The following SH3TC1 variants were observed in gnomAD, a reference collection of about 807,000 sequenced individuals.
SH3TC1 encodes the protein SH3 domain and tetratricopeptide repeats 1.
SH3TC1 carries 135 observed loss-of-function variants against 117.3 expected under a neutral mutation model. That is an observed-to-expected ratio of 1.15 (90% CI 1.00 to 1.33). The LOEUF (loss-of-function observed/expected upper bound fraction) is 1.33, where lower values mean the gene tolerates loss of function less well. SH3TC1 is among the 40% of genes most tolerant of loss of function. The pLI is 0.00. For missense variants in SH3TC1, 2,092 were observed against 1,794.3 expected, an observed-to-expected ratio of 1.17 and a Z score of -3.00; for synonymous variants, 898 against 816.9, an observed-to-expected ratio of 1.10 and a Z score of -1.69.
At chr4:8,191,714 C>T (rs1192271387) in intron 1 of SH3TC1, among the ~76,000 whole-genome samples, 2 of 152,096 alleles carry the variant, frequency 1.3e-5, no homozygotes, top group South Asian at 2.1e-4. Flanking sequence ...CAGGAAGGAA[C>T]CTCAGGAGAG....
At chr4:8,232,277 C>A in intron 13 of SH3TC1, 121 bp downstream of exon 13, 1 of 1,451,404 alleles carries the variant, frequency 6.9e-7, no homozygotes, top group Non-Finnish European at 9.2e-7. Context: ...CATTTGGTTC[C>A]TTGGCATCGG....
chr4:8,197,186 G>A (rs1008605061), upstream of SH3TC1, among the ~76,000 whole-genome samples: 2 of 152,158 alleles, frequency 1.3e-5, no homozygotes, highest in African/African-American at 2.4e-5. Context: ...AGACTGGAGC[G>A]ATGCCACCTC....
At position 8,220,361 on chromosome 4, in the gene SH3TC1, C is replaced by A. The variant is rs1055734942; in HGVS notation, c.1112+831C>A. Reference sequence around the variant, plus strand: ...CCCTGAACCCCGTGTTCTCCTGGGGCCTTCCATCAGCCCCCGTGGCTCCTC... The same window carrying A: ...CCCTGAACCCCGTGTTCTCCTGGGGACTTCCATCAGCCCCCGTGGCTCCTC... On this transcript the variant is annotated intron_variant, in intron 9 of 17. Transcript: ENST00000245105. 5.3e-5 allele frequency among the ~76,000 whole-genome samples: 8 copies of A among 151,076 alleles called. No individual in the cohort carries two copies. The South Asian group carries it at 1.7e-3, about 32-fold the overall frequency.
Position 8,225,743 on chromosome 4 carries a change from G to A in SH3TC1, c.1285+527G>A, listed in dbSNP as rs539316848. Among the ~76,000 whole-genome samples the A allele has an allele frequency of 9.2e-4, 140 of 152,294 alleles. 1 individual carries two copies. Among genetic ancestry groups the A allele is most frequent in the African/African-American group, 3.2e-3 (134 of 41,560 alleles). ...CACAGGGTCCGCATGGGGAGAGCCT[G>A]GGGATGTGGACACCCCAAGAGCCCT... On this transcript the variant is annotated intron_variant, in intron 11 of 17. Transcript: ENST00000245105. The surrounding 1 kb of genome is among the most constrained non-coding windows in gnomAD (Gnocchi z 5.5).
At chr4:8,221,707 T>G (rs1057404287) in intron 9 of SH3TC1, among the ~76,000 whole-genome samples, 1 of 152,184 alleles carries the variant, frequency 6.6e-6, no homozygotes, top group South Asian at 2.1e-4. Flanking sequence ...ATAACTACAG[T>G]ACAACTGTCG....
intron 5 of SH3TC1, 116 bp from the exon 6 acceptor site, chr4:8,215,995 C>A: frequency 7.7e-7 from 1 of 1,301,888 alleles, no homozygotes; most frequent in South Asian, 1.5e-5. Flanking sequence ...GGGTGTCTTC[C>A]ATGGTCTCCC....
rs1422464518 is a variant in SH3TC1, at chr4:8,227,909, G to A, written c.2215G>A (p.Gly739Ser). Residue 739 changes from glycine to serine, a missense_variant, in exon 12 of 18, where the codon GGC (glycine) becomes AGC (serine). Transcript: ENST00000245105. Reference protein sequence around the residue: ...CVKVASLRTRGSLAGSLRSVN... With the variant: ...CVKVASLRTRSSLAGSLRSVN... The stretch of plus-strand genomic sequence containing the variant: ...CAAGGTGGCCTCATTGCGGACACGG[G>A]GCTCGCTGGCCGGCTCGCTGAGGAG... The A allele has an allele frequency of 6.2e-7, 1 of 1,612,712 alleles. No individual in the cohort carries two copies. Among genetic ancestry groups the A allele is most frequent in the Non-Finnish European group, 8.5e-7 (1 of 1,179,926 alleles).
At chr4:8,207,601 G>A (rs555589621) in intron 2 of SH3TC1, among the ~76,000 whole-genome samples, 57 of 152,268 alleles carry the variant, frequency 3.7e-4, no homozygotes, top group African/African-American at 1.3e-3. Flanking sequence ...GAGCTGTCCC[G>A]CTCCCCAGTT....
chr4:8,189,549 G>T (rs1006443698), intron 1 of SH3TC1, among the ~76,000 whole-genome samples: 4 of 152,240 alleles, frequency 2.6e-5, no homozygotes, highest in Admixed American at 2.6e-4. Flanking sequence ...CCCCGCCAGG[G>T]GTGGGAGAGG....
At chr4:8,239,489 C>A (rs1252335262) in intron 17 of SH3TC1, among the ~76,000 whole-genome samples, 1 of 151,476 alleles carries the variant, frequency 6.6e-6, no homozygotes, top group African/African-American at 2.4e-5. Flanking sequence ...TAGGCACACA[C>A]AGGCACACGC....
intron 1 of SH3TC1, among the ~76,000 whole-genome samples, chr4:8,204,157 G>T (rs1167695498): frequency 6.6e-6 from 1 of 152,212 alleles, no homozygotes; most frequent in Non-Finnish European, 1.5e-5. Context: ...TGCCCTGCCT[G>T]CAGAGGGGAT....
At chr4:8,226,612 A>C (rs1291041233) in intron 11 of SH3TC1, among the ~76,000 whole-genome samples, 1 of 152,216 alleles carries the variant, frequency 6.6e-6, no homozygotes, top group African/African-American at 2.4e-5. Flanking sequence ...ACTTGGGTGC[A>C]GTTAGAAGGC....
chr4:8,219,477 C>A lies in SH3TC1; in HGVS notation c.1059C>A (p.Gly353=). 1 of 1,605,662 alleles carries A rather than the reference C, an allele frequency of 6.2e-7. No individual in the cohort carries two copies. The highest frequency in any genetic ancestry group is 1.3e-5 in the African/African-American group (1 of 74,864). Residue 353 remains glycine, a synonymous_variant, in exon 9 of 18, where the codon GGC becomes GGA. Transcript: ENST00000245105. ...PWCVGRHAAS[G]RVGFVRSSLI... is the part of the protein sequence containing the mutation. Reference sequence around the variant, plus strand: ...GCGTGGGCCGACACGCAGCCTCGGGCCGGGTGGGGTTTGTGCGGAGCAGCC... The same window carrying A: ...GCGTGGGCCGACACGCAGCCTCGGGACGGGTGGGGTTTGTGCGGAGCAGCC...
At chr4:8,238,292 G>T (rs949510682) in intron 17 of SH3TC1, among the ~76,000 whole-genome samples, 1 of 152,206 alleles carries the variant, frequency 6.6e-6, no homozygotes, top group Non-Finnish European at 1.5e-5. Context: ...AGACAGCCAG[G>T]CTGAGGCCTT....
At chr4:8,197,236 C>A (rs954475841), upstream of SH3TC1, among the ~76,000 whole-genome samples, 1 of 152,172 alleles carries the variant, frequency 6.6e-6, no homozygotes. Flanking sequence ...CTGGAGCAGG[C>A]AGGAAGAGGC....
chr4:8,183,354 G>GT lies in SH3TC1; in HGVS notation c.-57+1145dup. Among the ~76,000 whole-genome samples, 1 of 152,166 alleles carries GT rather than the reference G, an allele frequency of 6.6e-6. No homozygotes were observed. The highest frequency in any genetic ancestry group is 1.9e-4 in the East Asian group (1 of 5,192). On this transcript the variant is annotated intron_variant, in intron 1 of 16. Transcript: ENST00000508641. The surrounding 1 kb of genome is among the most constrained non-coding windows in gnomAD (Gnocchi z 5.4). ...TCCAAAGCCCTGCCTCGGTTTCCTG[G>GT]TGCTGTGGGAACAATGACCAGAAAC...
chr4:8,213,809 C>T (rs1355018794), intron 4 of SH3TC1, among the ~76,000 whole-genome samples: 1 of 151,686 alleles, frequency 6.6e-6, no homozygotes, highest in Non-Finnish European at 1.5e-5. Context: ...TTATCTGAGC[C>T]CAGGAGGTTG....
Position 8,227,596 on chromosome 4 carries a change from G to T in SH3TC1, c.1902G>T (p.Thr634=). 6.6e-7 allele frequency: 1 copy of T among 1,520,646 alleles called. No homozygotes were observed. Among genetic ancestry groups the T allele is most frequent in the Non-Finnish European group, 8.8e-7 (1 of 1,136,998 alleles). The allele number at this position is 1,520,646 out of a possible 1,614,324, so 94.2% of individuals were successfully genotyped here. A position where few individuals can be genotyped will look rare whatever the true frequency, so the allele number is the denominator to read the frequency against. ...AAGCCATGGCCCTGCTCCTGGGGAC[G>T]CCTGACCACATCTGCAGCACCGAGG... is the stretch of plus-strand genomic sequence containing the variant. ...VPKAMALLLG[T]PDHICSTEAE... is the part of the protein sequence containing the mutation. The change falls in exon 12 of 18, where the codon ACG becomes ACT. Residue 634 remains threonine (T), a synonymous_variant. Transcript: ENST00000245105.
In SH3TC1 at chr4:8,227,652, G is replaced by A. The variant is rs372583178; in HGVS notation, c.1958G>A (p.Arg653Gln). The change falls in exon 12 of 18, where the codon CGG (arginine) becomes CAG (glutamine). Residue 653 changes from arginine to glutamine, a missense_variant. By Grantham distance (43) the Arg-to-Gln change is conservative. Coordinates refer to ENST00000245105, the MANE Select transcript of SH3TC1 (RefSeq NM_018986.5). ...GGGGAGCTCCTGCAGCTGGCGCTGC[G>A]GCGGGCGGTGGGTGGCCAGAGCCTG... Reference protein sequence around the residue: ...AEGELLQLALRRAVGGQSLQA... With the variant: ...AEGELLQLALQRAVGGQSLQA... 29 of 1,527,108 alleles carry A rather than the reference G, an allele frequency of 1.9e-5. No individual in the cohort carries two copies. Among genetic ancestry groups the A allele is most frequent in the Admixed American group, 8.6e-5 (4 of 46,708 alleles). The allele number at this position is 1,527,108 out of a possible 1,614,324, so 94.6% of individuals were successfully genotyped here.
Sources: gnomAD v4.1 joint callset for allele counts (sites outside exome capture counted in the v4.1 genomes callset) on GRCh38, gnomAD v4.1.1 for gene constraint, Gnocchi (gnomAD v3.1) non-coding constraint, MANE v1.5 for transcripts, NCBI Gene and HGNC (gene_info 2026-07-23, HGNC 2026-07-21) for gene names.